Variants in DOCK8 observed in about 807,000 individuals in gnomAD.
The protein encoded by DOCK8 is dedicator of cytokinesis 8, also known as dedicator of cytokinesis protein 8.
DOCK8 carries 141 observed loss-of-function variants against 245.6 expected under a neutral mutation model. The observed-to-expected ratio is 0.57, with a 90% CI of 0.50 to 0.66. The LOEUF is 0.66. DOCK8 is among the 30% of genes least tolerant of loss of function. DOCK8 has a pLI of 0.00. For synonymous variants in DOCK8, 1,168 were observed against 970.2 expected (o/e 1.20, Z -3.79); for missense variants, 2,965 against 2,603.4 (o/e 1.14, Z -3.02).
chr9:412,714 C>G (rs2055801125), intron 28 of DOCK8, among the ~76,000 whole-genome samples: 1 of 151,932 alleles, frequency 6.6e-6, no homozygotes. Flanking sequence ...AAAAGAAACA[C>G]AAGAGTTATA....
At chr9:215,254 C>G in intron 1 of DOCK8, 1 of 1,596,164 alleles carries the variant, frequency 6.3e-7, no homozygotes, top group Non-Finnish European at 8.5e-7. Flanking sequence ...AATCTCGGTG[C>G]TCCTGGATGT....
At chr9:325,250 A>C (rs755684683) in intron 7 of DOCK8, among the ~76,000 whole-genome samples, 3 of 152,188 alleles carry the variant, frequency 2.0e-5, no homozygotes, top group Non-Finnish European at 2.9e-5. Context: ...TTGGTTCCAT[A>C]TCTTTGCAGT....
intron 40 of DOCK8, among the ~76,000 whole-genome samples, chr9:439,795 G>A (rs537225100): frequency 9.9e-5 from 15 of 152,252 alleles, no homozygotes; most frequent in African/African-American, 3.1e-4. Flanking sequence ...ACCACTGGGA[G>A]GAGAGAGGAG....
At chr9:293,182 T>C (rs1480260374) in intron 4 of DOCK8, among the ~76,000 whole-genome samples, 1 of 152,200 alleles carries the variant, frequency 6.6e-6, no homozygotes, top group African/African-American at 2.4e-5. Flanking sequence ...GCAAGCTTTC[T>C]TGTAGAAAAG....
intron 1 of DOCK8, among the ~76,000 whole-genome samples, chr9:245,913 A>G (rs930191014): frequency 6.6e-6 from 1 of 152,120 alleles, no homozygotes; most frequent in Non-Finnish European, 1.5e-5. Context: ...GCAAGCAAAC[A>G]AAAGCAATTA....
chr9:401,440 C>A (rs1054805677), intron 26 of DOCK8, among the ~76,000 whole-genome samples: 1 of 152,104 alleles, frequency 6.6e-6, no homozygotes, highest in Non-Finnish European at 1.5e-5. Context: ...TGAGGCTGCT[C>A]CACAGCACAG....
At chr9:244,037 A>G (rs889440034) in intron 1 of DOCK8, among the ~76,000 whole-genome samples, 3 of 151,814 alleles carry the variant, frequency 2.0e-5, no homozygotes, top group Non-Finnish European at 4.4e-5. Flanking sequence ...ACAAAAAAAA[A>G]TTTAGCCGGG....
chr9:283,724 T>G (rs963443188), intron 2 of DOCK8, among the ~76,000 whole-genome samples: 6 of 152,238 alleles, frequency 3.9e-5, no homozygotes, highest in Non-Finnish European at 8.8e-5. Flanking sequence ...AGACATGATT[T>G]CATTCTTTGT....
At chr9:371,909 G>T (rs2131218201) in intron 17 of DOCK8, among the ~76,000 whole-genome samples, 1 of 152,244 alleles carries the variant, frequency 6.6e-6, no homozygotes, top group Non-Finnish European at 1.5e-5. Flanking sequence ...TATAAAAGGT[G>T]AAATAAACAT....
At chr9:232,370 G>C (rs2047136864) in intron 1 of DOCK8, among the ~76,000 whole-genome samples, 1 of 152,116 alleles carries the variant, frequency 6.6e-6, no homozygotes, top group Non-Finnish European at 1.5e-5. Flanking sequence ...TTTTGGTTGT[G>C]TCTCTGCCAG....
At chr9:266,835 G>C (rs2048044915) in intron 1 of DOCK8, among the ~76,000 whole-genome samples, 1 of 152,052 alleles carries the variant, frequency 6.6e-6, no homozygotes, top group African/African-American at 2.4e-5. Flanking sequence ...TTAGAAGAAG[G>C]GTATCTTAGC....
chr9:272,154 A>G (rs1016478849), intron 2 of DOCK8, among the ~76,000 whole-genome samples: 8 of 152,338 alleles, frequency 5.3e-5, no homozygotes, highest in African/African-American at 1.9e-4. Flanking sequence ...TTTACATATA[A>G]TAAAATTCAC....
chr9:406,932 C>T lies in DOCK8; in HGVS notation c.3393C>T (p.Asn1131=). ...TSPCPSISSQ[N]SSSCSSFQDQ... ...AATGGCTCCTTACGTTTCTGTAGAA[C>T]TCAAGCTCCTGCTCCAGCTTCCAGG... The change falls in exon 28 of 48, where the codon AAC becomes AAT. Residue 1131 remains asparagine, a splice_region_variant and synonymous_variant. Coordinates refer to ENST00000432829, the MANE Select transcript of DOCK8 (RefSeq NM_203447.4). 2 of 1,614,092 alleles carry T rather than the reference C, an allele frequency of 1.2e-6. No individual in the cohort carries two copies. The highest frequency in any genetic ancestry group is 1.7e-6 in the Non-Finnish European group (2 of 1,180,022).
At chr9:366,042 G>T (rs1406240259) in intron 14 of DOCK8, 2 of 187,108 alleles carry the variant, frequency 1.1e-5, no homozygotes, top group Non-Finnish European at 2.3e-5. Context: ...AAACAGCCCT[G>T]CAGTGGGCCT....
rs2053762432 is a variant in DOCK8 at position 382,504 on chromosome 9, G to C, written c.2606-9G>C. On this transcript the variant is annotated splice_polypyrimidine_tract_variant and intron_variant, in intron 21 of 47. Coordinates refer to ENST00000432829, the MANE Select transcript of DOCK8 (RefSeq NM_203447.4). ...GTCTGTTGACATGTCTCTGCCTGGT[G>C]GGGTGCAGGCGCTCCCACTGCCCTC... The C allele has an allele frequency of 1.2e-6, 2 of 1,613,440 alleles. No homozygotes were observed. The highest frequency in any genetic ancestry group is 3.3e-5 in the Admixed American group (2 of 60,000).
At chr9:418,409 G>A (rs537812961) in intron 30 of DOCK8, among the ~76,000 whole-genome samples, 13 of 152,180 alleles carry the variant, frequency 8.5e-5, no homozygotes, top group African/African-American at 2.6e-4. Flanking sequence ...GATTACAGGC[G>A]TGCACCACCA....
intron 2 of DOCK8, among the ~76,000 whole-genome samples, chr9:276,819 T>G: frequency 6.6e-6 from 1 of 152,174 alleles, no homozygotes; most frequent in Non-Finnish European, 1.5e-5. Context: ...TATTTATTTA[T>G]TTATTTAGAG....
At position 370,848 on chromosome 9, in the gene DOCK8, C is replaced by T. The variant is rs115469726; in HGVS notation, c.1868+548C>T. Among the ~76,000 whole-genome samples the T allele has an allele frequency of 5.2e-3, 785 of 152,334 alleles. 11 individuals carry two copies. The highest frequency in any genetic ancestry group is 0.018 in the African/African-American group (767 of 41,570). ...TTGGGTTTGATCCGGGCCTGATAAC[C>T]TGGGCCTAATTAAGTCCTTCATTTA... On this transcript the variant is annotated intron_variant, in intron 16 of 47. Transcript: ENST00000432829.
intron 32 of DOCK8, among the ~76,000 whole-genome samples, chr9:421,437 G>T (rs549249562): frequency 6.6e-6 from 1 of 152,166 alleles, no homozygotes. Flanking sequence ...TCCGGAGCAT[G>T]GTCAAGAAAC....
Sources: allele counts gnomAD v4.1 joint callset (sites outside exome capture counted in the v4.1 genomes callset), GRCh38; gene constraint gnomAD v4.1.1; transcripts MANE v1.5; gene names NCBI Gene and HGNC (gene_info 2026-07-23, HGNC 2026-07-21).